The following NPNT variants were observed in gnomAD, a reference collection of about 807,000 sequenced individuals.
NPNT encodes the protein nephronectin.
In NPNT, 45 loss-of-function variants were observed where a neutral mutation model predicts 68.6. The observed-to-expected ratio is 0.66, with a 90% CI of 0.52 to 0.84. The LOEUF (loss-of-function observed/expected upper bound fraction) is 0.84. Among genes scored for constraint, NPNT ranks in the 40% least tolerant of loss-of-function variants. The pLI is 0.00. For missense variants in NPNT, 672 were observed against 714.8 expected (o/e 0.94, Z 0.68); for synonymous variants, 233 against 253.3 (o/e 0.92, Z 0.76).
intron 2 of NPNT, among the ~76,000 whole-genome samples, chr4:105,898,983 A>C (rs796142288): frequency 9.9e-5 from 15 of 152,254 alleles, no homozygotes; most frequent in African/African-American, 3.6e-4. Flanking sequence ...GGAGGCTTAG[A>C]GGAAGAGAGA....
At chr4:105,950,085 C>T (rs1252094466) in intron 8 of NPNT, among the ~76,000 whole-genome samples, 1 of 152,150 alleles carries the variant, frequency 6.6e-6, no homozygotes, top group Non-Finnish European at 1.5e-5. Context: ...GATTCTGATT[C>T]TTAATCATGT....
At chr4:105,958,060 T>C (rs1731378605) in intron 8 of NPNT, among the ~76,000 whole-genome samples, 1 of 152,152 alleles carries the variant, frequency 6.6e-6, no homozygotes, top group African/African-American at 2.4e-5. Flanking sequence ...AACCAAACCA[T>C]TCGCTTCCAT....
At chr4:105,901,559 C>T (rs182518879) in intron 2 of NPNT, among the ~76,000 whole-genome samples, 72 of 152,224 alleles carry the variant, frequency 4.7e-4, no homozygotes, top group Non-Finnish European at 8.4e-4. Flanking sequence ...AAAACTATTC[C>T]GTTTCTGAGT....
chr4:105,898,052 C>A (rs754239149), intron 2 of NPNT, 51 bp downstream of exon 2: 3 of 1,254,170 alleles, frequency 2.4e-6, no homozygotes, highest in Non-Finnish European at 3.4e-6. Flanking sequence ...TGGCTTTCCA[C>A]CTTGTTCATG....
intron 2 of NPNT, chr4:105,912,559 CA>C: frequency 1.0e-6 from 1 of 985,450 alleles, no homozygotes; most frequent in Non-Finnish European, 1.2e-6. Flanking sequence ...AATATAAAAA[CA>C]AAGTCCACCA....
At chr4:105,932,470 C>T (rs953737341) in intron 3 of NPNT, 1 of 502,332 alleles carries the variant, frequency 2.0e-6, no homozygotes, top group Non-Finnish European at 3.5e-6. Context: ...GAACCAGAAA[C>T]TATTGTTTAT....
intron 7 of NPNT, among the ~76,000 whole-genome samples, chr4:105,941,086 C>T (rs1281427686): frequency 1.3e-5 from 2 of 152,062 alleles, no homozygotes; most frequent in Admixed American, 6.6e-5. Context: ...TGCCTGTAAT[C>T]CTAGCACTTT....
chr4:105,947,857 A>G (rs771650189), intron 8 of NPNT, among the ~76,000 whole-genome samples: 1 of 152,136 alleles, frequency 6.6e-6, no homozygotes, highest in Non-Finnish European at 1.5e-5. Flanking sequence ...GGTTTCTTTT[A>G]ACATGTTTTG....
At chr4:105,914,134 A>G (rs1490474465) in intron 2 of NPNT, among the ~76,000 whole-genome samples, 1 of 151,460 alleles carries the variant, frequency 6.6e-6, no homozygotes, top group Non-Finnish European at 1.5e-5. Context: ...GAGTTCAGGG[A>G]AAGAATCATT....
In NPNT at chr4:105,895,632, C is replaced by T. The variant is rs1380536337; in HGVS notation, c.-21C>T. The T allele has an allele frequency of 1.9e-6, 3 of 1,548,054 alleles. No homozygotes were observed. The highest frequency in any genetic ancestry group is 2.0e-5 in the Admixed American group (1 of 50,992). On this transcript the variant is annotated 5_prime_UTR_variant, in exon 1 of 12. Coordinates refer to ENST00000379987, the MANE Select transcript of NPNT (RefSeq NM_001033047.3). ...GTTCCTCGCGCGCCACTGCGCTGCGCCCCAGGACCCGCTGCCCAACATGGA... is the reference window on the plus strand; with the variant it reads ...GTTCCTCGCGCGCCACTGCGCTGCGTCCCAGGACCCGCTGCCCAACATGGA...
intron 2 of NPNT, among the ~76,000 whole-genome samples, chr4:105,916,819 G>A (rs567357247): frequency 1.1e-4 from 16 of 152,014 alleles, no homozygotes; most frequent in African/African-American, 3.4e-4. Flanking sequence ...GCAATGCCTC[G>A]TCCAGTTCAG....
chr4:105,910,965 A>T (rs1727315329), intron 2 of NPNT, among the ~76,000 whole-genome samples: 1 of 152,134 alleles, frequency 6.6e-6, no homozygotes, highest in Admixed American at 6.6e-5. Context: ...TTTTCCTGAT[A>T]AATTTGATGA....
At chr4:105,956,859 G>C (rs1265179050) in intron 8 of NPNT, among the ~76,000 whole-genome samples, 1 of 152,032 alleles carries the variant, frequency 6.6e-6, no homozygotes, top group Non-Finnish European at 1.5e-5. Flanking sequence ...TGGGTATATT[G>C]CAAGTATGGA....
At chr4:105,925,236 A>G (rs1374639965) in intron 2 of NPNT, among the ~76,000 whole-genome samples, 3 of 152,202 alleles carry the variant, frequency 2.0e-5, no homozygotes. Flanking sequence ...ATTTAATGCC[A>G]TGTTTAAAAT....
intron 2 of NPNT, among the ~76,000 whole-genome samples, chr4:105,922,192 C>T (rs1362025716): frequency 1.3e-5 from 2 of 151,908 alleles, no homozygotes; most frequent in Non-Finnish European, 2.9e-5. Context: ...CCTCCATCTG[C>T]TTGGGTATCT....
intron 8 of NPNT, among the ~76,000 whole-genome samples, chr4:105,946,022 G>A (rs1341691030): frequency 6.6e-6 from 1 of 152,204 alleles, no homozygotes; most frequent in Non-Finnish European, 1.5e-5. Context: ...CTTGGCAAAT[G>A]TGAGCAAAAC....
intron 3 of NPNT, chr4:105,932,678 C>G: frequency 6.5e-7 from 1 of 1,536,026 alleles, no homozygotes; most frequent in Non-Finnish European, 8.7e-7. Context: ...CCCTGGATCA[C>G]CAAGCCACAA....
At chr4:105,952,197 T>C (rs1006663813) in intron 8 of NPNT, among the ~76,000 whole-genome samples, 1 of 152,232 alleles carries the variant, frequency 6.6e-6, no homozygotes, top group African/African-American at 2.4e-5. Flanking sequence ...ATGCTTTTTA[T>C]TATGGTTCAT....
At position 105,927,335 on chromosome 4, in the gene NPNT, G is replaced by C; in HGVS notation, c.173-1G>C. 1 of 1,604,992 alleles carries C rather than the reference G, an allele frequency of 6.2e-7. No individual in the cohort carries two copies. Among genetic ancestry groups the C allele is most frequent in the South Asian group, 1.1e-5 (1 of 90,722 alleles). ...TAATGCATGCCATCTTCTTTTCACA[G>C]CTGTGTGCCAACCACGATGCAAACA... is the stretch of plus-strand genomic sequence containing the variant. On this transcript the variant is annotated splice_acceptor_variant, in intron 2 of 11. Transcript: ENST00000379987. LOFTEE classifies it high-confidence loss of function.
Sources: gnomAD v4.1 joint callset for allele counts (sites outside exome capture counted in the v4.1 genomes callset) on GRCh38, gnomAD v4.1.1 for gene constraint, MANE v1.5 for transcripts, NCBI Gene and HGNC (gene_info 2026-07-23, HGNC 2026-07-21) for gene names.